FAHD1: variants seen among roughly 807,000 people sequenced by gnomAD.
FAHD1 encodes the protein oxaloacetate tautomerase FAHD1, mitochondrial.
Under a neutral mutation model 12.7 loss-of-function variants are expected in FAHD1, and 14 were observed. That is an observed-to-expected ratio of 1.10 (90% CI 0.73 to 1.72). The LOEUF (loss-of-function observed/expected upper bound fraction) is 1.72, where lower values mean the gene tolerates loss of function less well. Among genes scored for constraint, FAHD1 ranks in the 40% most tolerant of loss-of-function variants. The pLI, the probability that FAHD1 is intolerant of heterozygous loss-of-function variation, is 0.00. For missense variants in FAHD1, 351 were observed against 298.9 expected (o/e 1.17, Z -1.29); for synonymous variants, 153 against 124.9 (o/e 1.22, Z -1.50).
intron 1 of FAHD1, among the ~76,000 whole-genome samples, chr16:1,835,217 G>A (rs371166884): frequency 3.3e-5 from 5 of 151,620 alleles, no homozygotes; most frequent in East Asian, 1.9e-4. Context: ...ATCGCACCAC[G>A]TGCTCCAGCC....
At chr16:1,827,888 A>G in exon 1 of FAHD1, 1 of 1,613,208 alleles carries the variant, frequency 6.2e-7, no homozygotes, top group Non-Finnish European at 8.5e-7. Context: ...TTTAAAGTGG[A>G]AAAGCCAGAA....
intron 1 of FAHD1, among the ~76,000 whole-genome samples, chr16:1,836,566 C>T (rs919898254): frequency 6.8e-6 from 1 of 147,364 alleles, no homozygotes; most frequent in Non-Finnish European, 1.5e-5. Context: ...TGCCTTTGGC[C>T]TGGTAGTGAA....
At chr16:1,837,802 T>C (rs1028737963) in intron 1 of FAHD1, 13 of 1,536,804 alleles carry the variant, frequency 8.5e-6, no homozygotes, top group African/African-American at 1.4e-5. Context: ...AAATTTTGCT[T>C]CTTTCCAAGA....
chr16:1,834,159 CAA>C, intron 1 of FAHD1: 1 of 698,730 alleles, frequency 1.4e-6, no homozygotes, highest in Non-Finnish European at 2.5e-6. Flanking sequence ...CACATGTAAA[CAA>C]AATGCAATTT....
chr16:1,839,298 C>T, exon 3 of FAHD1: 1 of 1,613,928 alleles, frequency 6.2e-7, no homozygotes. Flanking sequence ...TGTGAGACTA[C>T]AGGAATGAAG....
chr16:1,834,353 T>C (rs1226906255), intron 1 of FAHD1: 4 of 1,602,034 alleles, frequency 2.5e-6, no homozygotes, highest in South Asian at 1.1e-5. Flanking sequence ...CCTTGCTCTG[T>C]GTGATAGAAC....
exon 1 of FAHD1, chr16:1,828,824 T>C (rs1898567940): frequency 1.0e-6 from 1 of 998,210 alleles, no homozygotes; most frequent in Non-Finnish European, 1.2e-6. Flanking sequence ...ACCTGTTTAC[T>C]TAGGGTATCT....
Position 1,839,256 on chromosome 16 carries a change from G to A in FAHD1, c.*9-6G>A, listed in dbSNP as rs377366231. On this transcript the variant is annotated splice_region_variant and splice_polypyrimidine_tract_variant and intron_variant, in intron 2 of 2. Coordinates refer to the FAHD1 transcript ENST00000382666. ...CATTTCTTCCTTTTTGCTATTTACCGTGCAGCCCAAAGTCTCCTCAGCAAC... is the reference window on the plus strand; with the variant it reads ...CATTTCTTCCTTTTTGCTATTTACCATGCAGCCCAAAGTCTCCTCAGCAAC... The A allele has an allele frequency of 1.2e-4, 188 of 1,586,090 alleles. 1 individual carries two copies. The highest frequency in any genetic ancestry group is 4.6e-4 in the African/African-American group (34 of 73,618).
downstream of FAHD1, among the ~76,000 whole-genome samples, chr16:1,829,868 C>CTTT (rs140341882): frequency 0.13 from 18,722 of 149,264 alleles, 1,508 homozygotes; most frequent in South Asian, 0.19. Context: ...TTCTTTCTTT[C>CTTT]TTTTTTCTTT....
exon 1 of FAHD1, chr16:1,828,596 T>C (rs1065585): frequency 0.16 from 160,723 of 998,174 alleles, 13,534 homozygotes; most frequent in South Asian, 0.28. Flanking sequence ...TTTTCTTAGA[T>C]TTGGTCATCA....
intron 2 of FAHD1, chr16:1,839,215 T>G (rs1319622352): frequency 6.6e-7 from 1 of 1,513,222 alleles, no homozygotes; most frequent in Non-Finnish European, 8.9e-7. Context: ...AGCATTCACT[T>G]TGGAAATATT....
intron 2 of FAHD1, chr16:1,838,150 C>G: frequency 1.9e-6 from 1 of 526,772 alleles, no homozygotes; most frequent in Non-Finnish European, 3.4e-6. Context: ...CACTACTCTT[C>G]TCTGGCTAAT....
chr16:1,827,687 A>T (rs1231735384), exon 1 of FAHD1: 1 of 1,614,024 alleles, frequency 6.2e-7, no homozygotes, highest in Admixed American at 1.7e-5. Flanking sequence ...CTCAAGGTCA[A>T]CGGCGAACTC....
At chr16:1,830,872 C>G (rs1294037597), downstream of FAHD1, among the ~76,000 whole-genome samples, 2 of 151,454 alleles carry the variant, frequency 1.3e-5, no homozygotes, top group African/African-American at 4.9e-5. Flanking sequence ...CCTTCCTCCC[C>G]GCCATATATG....
At chr16:1,833,924 A>G (rs1462972854) in intron 1 of FAHD1, 1 of 183,278 alleles carries the variant, frequency 5.5e-6, no homozygotes, top group East Asian at 1.5e-4. Flanking sequence ...TTCACTCAGG[A>G]TTAAGAAACT....
At chr16:1,830,286 C>T (rs1447716984), downstream of FAHD1, among the ~76,000 whole-genome samples, 1 of 152,228 alleles carries the variant, frequency 6.6e-6, no homozygotes, top group Non-Finnish European at 1.5e-5. Flanking sequence ...GTCAAGCCTC[C>T]ATTTTTGGAC....
intron 1 of FAHD1, among the ~76,000 whole-genome samples, chr16:1,836,647 A>T (rs1021603135): frequency 6.6e-6 from 1 of 151,884 alleles, no homozygotes; most frequent in African/African-American, 2.4e-5. Flanking sequence ...AACTATTCAG[A>T]TGTGTTGGTG....
chr16:1,827,793 C>T (rs1567267876), exon 1 of FAHD1: 1 of 1,614,128 alleles, frequency 6.2e-7, no homozygotes. Context: ...GAGATATTAT[C>T]TTGACTGGGA....
exon 1 of FAHD1, chr16:1,828,877 T>C (rs1898569067): frequency 1.0e-6 from 1 of 1,000,132 alleles, no homozygotes; most frequent in Admixed American, 6.1e-5. Flanking sequence ...GATTTTGAAA[T>C]TACTGTTTTC....
Sources: gnomAD v4.1 joint callset for allele counts (sites outside exome capture counted in the v4.1 genomes callset) on GRCh38, gnomAD v4.1.1 for gene constraint, MANE v1.5 for transcripts, NCBI Gene and HGNC (gene_info 2026-07-23, HGNC 2026-07-21) for gene names.